RGS22: variants seen among roughly 807,000 people sequenced by gnomAD.
RGS22 encodes the protein regulator of G protein signaling 22.
A neutral mutation model predicts 172.9 loss-of-function variants in RGS22; 148 were observed. The ratio of observed to expected loss-of-function variants is 0.86; its 90% CI spans 0.75 to 0.98. RGS22 has a LOEUF of 0.98. RGS22 is among the 50% of genes least tolerant of loss of function. RGS22 has a pLI of 0.00. For missense variants in RGS22, 1,347 were observed against 1,440.8 expected (o/e 0.93, Z 1.05); for synonymous variants, 458 against 480.2 (o/e 0.95, Z 0.60).
At chr8:100,047,429 G>C (rs1376561233) in intron 11 of RGS22, 34 bp downstream of exon 11, 2 of 1,553,750 alleles carry the variant, frequency 1.3e-6, no homozygotes, top group African/African-American at 1.4e-5. Flanking sequence ...TAGTATTGCA[G>C]AAAAGCACTT....
chr8:99,999,928 G>A (rs1814847637), intron 18 of RGS22, among the ~76,000 whole-genome samples: 2 of 152,258 alleles, frequency 1.3e-5, no homozygotes, highest in South Asian at 4.1e-4. Flanking sequence ...ATAGGATGAT[G>A]GCAGCTGTAG....
At chr8:100,101,961 T>C (rs150859806) in intron 2 of RGS22, among the ~76,000 whole-genome samples, 68 of 152,288 alleles carry the variant, frequency 4.5e-4, no homozygotes, top group Middle Eastern at 3.4e-3. Context: ...TCATAAGGCA[T>C]TGTGGCTTCC....
intron 10 of RGS22, among the ~76,000 whole-genome samples, chr8:100,051,174 A>C (rs1361708925): frequency 6.6e-6 from 1 of 151,658 alleles, no homozygotes; most frequent in Non-Finnish European, 1.5e-5. Context: ...AGCAAGGCAA[A>C]CAGCAAGCAC....
chr8:99,982,205 T>C, intron 21 of RGS22, 89 bp from the exon 22 acceptor site: 5 of 1,020,898 alleles, frequency 4.9e-6, no homozygotes, highest in Non-Finnish European at 6.9e-6. Flanking sequence ...TCAATTAATA[T>C]ATGCATTTCA....
intron 4 of RGS22, among the ~76,000 whole-genome samples, chr8:100,076,674 T>C (rs1811371180): frequency 6.6e-6 from 1 of 152,216 alleles, no homozygotes; most frequent in African/African-American, 2.4e-5. Context: ...TCCCCTTCAG[T>C]GACCATTGAT....
intron 4 of RGS22, among the ~76,000 whole-genome samples, chr8:100,076,908 G>A (rs1003801546): frequency 6.6e-6 from 1 of 152,000 alleles, no homozygotes; most frequent in African/African-American, 2.4e-5. Flanking sequence ...CAGGAGAATC[G>A]CTTGAACCTG....
At chr8:100,053,446 A>AGGG (rs1821905088) in intron 9 of RGS22, among the ~76,000 whole-genome samples, 6 of 108,824 alleles carry the variant, frequency 5.5e-5, no homozygotes, top group Admixed American at 2.1e-4. Context: ...GGAAGGAAGG[A>AGGG]AGGGAGGGAG....
At chr8:99,974,622 A>C (rs569272125) in intron 23 of RGS22, among the ~76,000 whole-genome samples, 1 of 151,482 alleles carries the variant, frequency 6.6e-6, no homozygotes, top group South Asian at 2.1e-4. Flanking sequence ...ACATGGTGAA[A>C]CCCCATCTCT....
At chr8:99,993,349 A>C (rs917940443) in intron 20 of RGS22, among the ~76,000 whole-genome samples, 14 of 152,208 alleles carry the variant, frequency 9.2e-5, no homozygotes, top group African/African-American at 3.4e-4. Context: ...TGAAAAGATC[A>C]ACAAAATTGA....
intron 4 of RGS22, among the ~76,000 whole-genome samples, chr8:100,076,964 GC>G (rs1370522994): frequency 1.3e-5 from 2 of 151,972 alleles, no homozygotes; most frequent in Non-Finnish European, 2.9e-5. Flanking sequence ...CTGCACTCCA[GC>G]CAGGGCATCA....
chr8:100,104,457 GTGTGTGTA>G (rs1197512634), intron 2 of RGS22, among the ~76,000 whole-genome samples: 1 of 151,920 alleles, frequency 6.6e-6, no homozygotes, highest in Non-Finnish European at 1.5e-5. Flanking sequence ...CAGTGGCTGT[GTGTGTGTA>G]TGTGTGTATG....
chr8:100,001,221 C>CACACAT (rs1815042032), intron 18 of RGS22, among the ~76,000 whole-genome samples: 4 of 84,648 alleles, frequency 4.7e-5, no homozygotes, highest in African/African-American at 2.2e-4. Context: ...TATATATATA[C>CACACAT]ATATATATAT....
At chr8:99,965,569 T>C in intron 23 of RGS22, 139 bp from the exon 24 acceptor site, 1 of 534,382 alleles carries the variant, frequency 1.9e-6, no homozygotes, top group South Asian at 3.2e-5. Flanking sequence ...CAAGTCAATA[T>C]CACTAATGTG....
intron 5 of RGS22, among the ~76,000 whole-genome samples, chr8:100,071,908 T>A (rs1811010429): frequency 6.6e-6 from 1 of 152,196 alleles, no homozygotes; most frequent in Non-Finnish European, 1.5e-5. Flanking sequence ...AGATAATTTT[T>A]AAAATATGGC....
chr8:100,076,680 T>C (rs959418327), intron 4 of RGS22, among the ~76,000 whole-genome samples: 2 of 152,214 alleles, frequency 1.3e-5, no homozygotes, highest in African/African-American at 4.8e-5. Context: ...TCAGTGACCA[T>C]TGATAATTTG....
intron 7 of RGS22, among the ~76,000 whole-genome samples, 165 bp from the exon 8 acceptor site, chr8:100,064,208 C>T (rs1227957565): frequency 6.6e-6 from 1 of 152,126 alleles, no homozygotes; most frequent in African/African-American, 2.4e-5. Context: ...TGGCTCACGC[C>T]TGTCATCCCA....
At chr8:100,042,128 ACTG>A (rs937859497) in intron 11 of RGS22, among the ~76,000 whole-genome samples, 6 of 152,220 alleles carry the variant, frequency 3.9e-5, no homozygotes, top group Non-Finnish European at 5.9e-5. Context: ...TCTCAAAATA[ACTG>A]CTGGTTAGAT....
chr8:99,981,929 T>G lies in RGS22; in HGVS notation c.3360+8A>C. 3 of 1,604,396 alleles carry G rather than the reference T, an allele frequency of 1.9e-6. No individual in the cohort carries two copies. The highest frequency in any genetic ancestry group is 2.6e-6 in the Non-Finnish European group (3 of 1,175,544). On this transcript the variant is annotated splice_region_variant and intron_variant, in intron 22 of 27. Transcript: ENST00000360863. ...AAATATGCTTAGCCACATGCCCTGA[T>G]CTCTTACCTGTGCCTCTCTAAATAC...
intron 20 of RGS22, 31 bp downstream of exon 20, chr8:99,996,431 C>A (rs750480810): frequency 6.3e-7 from 1 of 1,577,466 alleles, no homozygotes; most frequent in South Asian, 1.1e-5. Context: ...GCAAAACTTA[C>A]AAGAGGAAGA....
Sources: allele counts gnomAD v4.1 joint callset (sites outside exome capture counted in the v4.1 genomes callset), GRCh38; gene constraint gnomAD v4.1.1; transcripts MANE v1.5; gene names NCBI Gene and HGNC (gene_info 2026-07-23, HGNC 2026-07-21).